Variants in TMEM182 observed in about 807,000 individuals in gnomAD.
The protein encoded by TMEM182 is transmembrane protein 182.
TMEM182 carries 20 observed loss-of-function variants against 26.8 expected under a neutral mutation model. The ratio of observed to expected loss-of-function variants is 0.75; its 90% CI spans 0.53 to 1.09. TMEM182 has a LOEUF of 1.09. Among genes scored for constraint, TMEM182 ranks in the 50% least tolerant of loss-of-function variants. The pLI, the probability that TMEM182 is intolerant of heterozygous loss-of-function variation, is 0.00. For missense variants in TMEM182, 277 were observed against 275.5 expected, an observed-to-expected ratio of 1.01 and a Z score of -0.04; for synonymous variants, 109 against 102.2, an observed-to-expected ratio of 1.07 and a Z score of -0.40.
intron 3 of TMEM182, among the ~76,000 whole-genome samples, chr2:102,796,297 A>C (rs766037845): frequency 6.6e-6 from 1 of 152,198 alleles, no homozygotes; most frequent in Non-Finnish European, 1.5e-5. Flanking sequence ...GCTATTATTT[A>C]CTTTCAGTCC....
intron 4 of TMEM182, among the ~76,000 whole-genome samples, chr2:102,805,199 G>T (rs192764944): frequency 6.6e-6 from 1 of 152,016 alleles, no homozygotes; most frequent in African/African-American, 2.4e-5. Flanking sequence ...TATTTTCCCC[G>T]CATTGCTCTT....
At position 102,816,010 on chromosome 2, in the gene TMEM182, C is replaced by T. The variant is rs1227806034; in HGVS notation, c.*1042C>T. 1 of 984,812 alleles carries T rather than the reference C, an allele frequency of 1.0e-6. No individual in the cohort carries two copies. The highest frequency in any genetic ancestry group is 1.2e-6 in the Non-Finnish European group (1 of 829,512). The allele number at this position is 984,812 out of a possible 1,614,324, so 61.0% of individuals were successfully genotyped here. A position where few individuals can be genotyped will look rare whatever the true frequency, so the allele number is the denominator to read the frequency against. ...TTTAATTACTGTCCCTCAATTTCTT[C>T]ATCTTTACAATAGATATATTAACAT... is the stretch of plus-strand genomic sequence containing the variant. On this transcript the variant is annotated 3_prime_UTR_variant, in exon 5 of 5. Transcript: ENST00000412401.
chr2:102,738,215 AAT>A (rs1679419625), intron 1 of TMEM182, among the ~76,000 whole-genome samples: 1 of 152,124 alleles, frequency 6.6e-6, no homozygotes, highest in Non-Finnish European at 1.5e-5. Context: ...GTGGCTACTA[AAT>A]ACATAGCTAG....
At chr2:102,793,930 C>T (rs1189137823) in intron 3 of TMEM182, among the ~76,000 whole-genome samples, 1 of 152,260 alleles carries the variant, frequency 6.6e-6, no homozygotes, top group South Asian at 2.1e-4. Flanking sequence ...AGCCACCACA[C>T]ATGGTGGCTC....
intron 4 of TMEM182, among the ~76,000 whole-genome samples, chr2:102,801,998 G>C (rs991664723): frequency 1.3e-5 from 2 of 152,174 alleles, no homozygotes; most frequent in African/African-American, 4.8e-5. Context: ...AATGTGACTG[G>C]TCACTCGCTC....
chr2:102,807,220 G>C (rs1214432779), intron 4 of TMEM182, among the ~76,000 whole-genome samples: 1 of 152,194 alleles, frequency 6.6e-6, no homozygotes, highest in Admixed American at 6.6e-5. Flanking sequence ...TGAAAGGGAA[G>C]AGGGAATTAT....
At chr2:102,813,435 T>C (rs979363207) in intron 4 of TMEM182, among the ~76,000 whole-genome samples, 1 of 152,192 alleles carries the variant, frequency 6.6e-6, no homozygotes, top group Admixed American at 6.5e-5. Context: ...ACTATGGAGA[T>C]TTTATACCTA....
intron 3 of TMEM182, 89 bp downstream of exon 3, chr2:102,764,516 A>C: frequency 9.5e-7 from 1 of 1,057,520 alleles, no homozygotes; most frequent in Non-Finnish European, 1.3e-6. Flanking sequence ...GCAATTAAAA[A>C]AATAATTTAA....
intron 1 of TMEM182, among the ~76,000 whole-genome samples, chr2:102,753,132 A>T (rs1040535423): frequency 3.3e-5 from 5 of 152,210 alleles, no homozygotes; most frequent in African/African-American, 1.2e-4. Context: ...TTTGCTTATG[A>T]AATGTTTTAC....
chr2:102,788,719 G>C (rs920918632), intron 3 of TMEM182, among the ~76,000 whole-genome samples: 2 of 152,070 alleles, frequency 1.3e-5, no homozygotes, highest in Non-Finnish European at 2.9e-5. Flanking sequence ...CAAGGTCACT[G>C]CCAGAGTGGA....
intron 3 of TMEM182, among the ~76,000 whole-genome samples, chr2:102,841,397 G>A (rs993923071): frequency 3.9e-5 from 6 of 152,166 alleles, no homozygotes; most frequent in Non-Finnish European, 8.8e-5. Flanking sequence ...TGAGTATCCT[G>A]CAGAGGACCC....
intron 3 of TMEM182, among the ~76,000 whole-genome samples, chr2:102,826,067 A>G (rs938096874): frequency 6.6e-6 from 1 of 152,196 alleles, no homozygotes; most frequent in African/African-American, 2.4e-5. Context: ...TAAATTCTCC[A>G]CTGGCCACTC....
chr2:102,765,850 T>C (rs1444722815), intron 3 of TMEM182, among the ~76,000 whole-genome samples: 3 of 152,190 alleles, frequency 2.0e-5, no homozygotes, highest in African/African-American at 7.2e-5. Flanking sequence ...CATTAAAAAC[T>C]GCAGAAGGCA....
rs201264368 is a variant in TMEM182 at position 102,798,008 on chromosome 2, C to T, written c.469+8C>T. 3.3e-4 allele frequency: 526 copies of T among 1,609,260 alleles called. 6 individuals carry two copies. The African/African-American group carries it at 6.0e-3, about 18-fold the overall frequency. On this transcript the variant is annotated splice_region_variant and intron_variant, in intron 4 of 4. Transcript: ENST00000412401. ...GCTCATATATTGCTGCAGGTACGTACGGTGCAATGGGTATGACTTTCAGCC... is the reference window on the plus strand; with the variant it reads ...GCTCATATATTGCTGCAGGTACGTATGGTGCAATGGGTATGACTTTCAGCC...
intron 4 of TMEM182, among the ~76,000 whole-genome samples, chr2:102,801,247 G>A (rs1682117256): frequency 6.6e-6 from 1 of 152,096 alleles, no homozygotes; most frequent in Non-Finnish European, 1.5e-5. Flanking sequence ...ACTGTTGCAG[G>A]AATCAGGAGG....
intron 3 of TMEM182, among the ~76,000 whole-genome samples, chr2:102,788,746 C>A (rs1047072636): frequency 5.3e-5 from 8 of 152,128 alleles, no homozygotes; most frequent in Non-Finnish European, 7.4e-5. Flanking sequence ...AATCCCTCCC[C>A]CTTCTGCCCA....
chr2:102,743,524 CAG>C (rs1371894617), intron 1 of TMEM182, among the ~76,000 whole-genome samples: 1 of 152,020 alleles, frequency 6.6e-6, no homozygotes, highest in Non-Finnish European at 1.5e-5. Context: ...AGAAACAAAA[CAG>C]AGAAGGCTGG....
At position 102,797,758 on chromosome 2, in the gene TMEM182, G is replaced by A. The variant is rs1196372373; in HGVS notation, c.332-105G>A. The stretch of plus-strand genomic sequence containing the variant: ...CATTCTATCTAGCAGTGCCATAGCT[G>A]AAATTAGAAAAATGAAGATGAAAGC... On this transcript the variant is annotated intron_variant, in intron 3 of 4. Transcript: ENST00000412401. 14 of 1,413,128 alleles carry A rather than the reference G, an allele frequency of 9.9e-6. No homozygotes were observed. The Admixed American group carries it at 3.2e-4, about 33-fold the overall frequency. The allele number at this position is 1,413,128 out of a possible 1,614,324, so 87.5% of individuals were successfully genotyped here. A position where few individuals can be genotyped will look rare whatever the true frequency, so the allele number is the denominator to read the frequency against.
upstream of TMEM182, chr2:102,758,267 C>CA (rs1351973274): frequency 2.0e-6 from 1 of 502,834 alleles, no homozygotes; most frequent in Non-Finnish European, 3.6e-6. Context: ...ACCTATGTCT[C>CA]AGTTTGTAAA....
Sources: allele counts gnomAD v4.1 joint callset (sites outside exome capture counted in the v4.1 genomes callset), GRCh38; gene constraint gnomAD v4.1.1; transcripts MANE v1.5; gene names NCBI Gene and HGNC (gene_info 2026-07-23, HGNC 2026-07-21).